The following FNDC3B variants were observed in gnomAD, a reference collection of about 807,000 sequenced individuals.
The protein encoded by FNDC3B is fibronectin type III domain containing 3B, also known as fibronectin type III domain-containing protein 3B.
Under a neutral mutation model 151.5 loss-of-function variants are expected in FNDC3B, and 12 were observed. That is an observed-to-expected ratio of 0.08 (90% CI 0.05 to 0.13). The LOEUF is 0.13. Ranked by LOEUF, FNDC3B falls within the 10% of genes least tolerant of loss-of-function variation. The probability of loss-of-function intolerance (pLI) is 1.00; values close to 1 mark genes in which losing one functional copy is unlikely to be tolerated. For synonymous variants in FNDC3B, 528 were observed against 549.0 expected (o/e 0.96, Z 0.54); for missense variants, 1,214 against 1,505.3 (o/e 0.81, Z 3.20).
intron 3 of FNDC3B, among the ~76,000 whole-genome samples, chr3:172,223,802 G>A (rs1726412329): frequency 6.6e-6 from 1 of 152,114 alleles, no homozygotes; most frequent in Non-Finnish European, 1.5e-5. Flanking sequence ...AATTTAAAAA[G>A]CAACCAAAAC....
At chr3:172,208,083 A>G (rs1171814761) in intron 3 of FNDC3B, among the ~76,000 whole-genome samples, 1 of 146,268 alleles carries the variant, frequency 6.8e-6, no homozygotes, top group Non-Finnish European at 1.5e-5. Context: ...TTCATTCTAT[A>G]AAGTCCATGC....
Position 172,398,281 on chromosome 3 carries a change from A to G in FNDC3B, c.*806A>G, listed in dbSNP as rs1736393674. 6.6e-6 allele frequency: 1 copy of G among 152,604 alleles called. No homozygotes were observed. The highest frequency in any genetic ancestry group is 2.1e-4 in the South Asian group (1 of 4,834). 9.5% of individuals were successfully genotyped at this position (152,604 alleles called of 1,614,324 possible). A position where few individuals can be genotyped will look rare whatever the true frequency, so the allele number is the denominator to read the frequency against. ...ACTTGTTTGTTTGTCTTTGTATATA[A>G]CTACTTCTAATCTAATCACTAGAGT... On this transcript the variant is annotated 3_prime_UTR_variant, in exon 26 of 26. Coordinates refer to ENST00000415807, the MANE Select transcript of FNDC3B (RefSeq NM_022763.4).
chr3:172,197,775 C>G (rs1724912969), intron 3 of FNDC3B, among the ~76,000 whole-genome samples: 5 of 152,198 alleles, frequency 3.3e-5, no homozygotes, highest in Admixed American at 3.3e-4. Flanking sequence ...AGGAACATCA[C>G]AGAAGTGACA....
At chr3:172,128,569 G>T (rs1322157689) in intron 2 of FNDC3B, among the ~76,000 whole-genome samples, 1 of 152,142 alleles carries the variant, frequency 6.6e-6, no homozygotes, top group Non-Finnish European at 1.5e-5. Flanking sequence ...GGGTGGGGCT[G>T]GGGAGTGGGG....
chr3:172,291,884 C>A (rs1730361161), intron 7 of FNDC3B, among the ~76,000 whole-genome samples: 1 of 152,140 alleles, frequency 6.6e-6, no homozygotes, highest in South Asian at 2.1e-4. Context: ...ATGTGAAGGT[C>A]ATATATGAGT....
At chr3:172,075,499 T>C (rs1282027039) in intron 1 of FNDC3B, among the ~76,000 whole-genome samples, 1 of 152,126 alleles carries the variant, frequency 6.6e-6, no homozygotes, top group Non-Finnish European at 1.5e-5. Context: ...ACAACAAAAA[T>C]GGGAATTAAC....
chr3:172,300,566 A>T (rs1166206279), intron 9 of FNDC3B, among the ~76,000 whole-genome samples: 1 of 152,144 alleles, frequency 6.6e-6, no homozygotes, highest in African/African-American at 2.4e-5. Flanking sequence ...TTCTGGGCAG[A>T]TAGAATAGTT....
chr3:172,319,873 T>G (rs76518020), intron 11 of FNDC3B, among the ~76,000 whole-genome samples: 1,540 of 152,320 alleles, frequency 0.01, 17 homozygotes, highest in Non-Finnish European at 0.016. Flanking sequence ...CAGTGCAACT[T>G]TATTTTTTAT....
At chr3:172,348,859 G>A (rs191251438) in intron 21 of FNDC3B, among the ~76,000 whole-genome samples, 2 of 152,258 alleles carry the variant, frequency 1.3e-5, no homozygotes, top group Admixed American at 1.3e-4. Flanking sequence ...CCACACTAAA[G>A]GACTATTGCC....
rs1201061796 is a variant in FNDC3B at position 172,253,777 on chromosome 3, A to C, written c.790+2236A>C. ...TTGTTCTCATGGCCAGAAGAGAGAA[A>C]TCTTTTTACTTTTTTTTTTTGAGAT... On this transcript the variant is annotated intron_variant, in intron 6 of 25. Coordinates refer to ENST00000415807, the MANE Select transcript of FNDC3B (RefSeq NM_022763.4). Among the ~76,000 whole-genome samples, 4 of 151,602 alleles carry C rather than the reference A, an allele frequency of 2.6e-5. No homozygotes were observed. In the East Asian group the frequency reaches 7.7e-4, roughly 29 times the overall value.
chr3:172,064,865 T>G (rs1377053988), intron 1 of FNDC3B, among the ~76,000 whole-genome samples: 2 of 152,192 alleles, frequency 1.3e-5, no homozygotes, highest in African/African-American at 4.8e-5. Flanking sequence ...ATTTGGTGTG[T>G]TGGATGAATG....
chr3:172,260,728 A>C (rs540307940), intron 6 of FNDC3B, among the ~76,000 whole-genome samples: 1 of 152,154 alleles, frequency 6.6e-6, no homozygotes, highest in Non-Finnish European at 1.5e-5. Flanking sequence ...CCACTCCCCA[A>C]AAAAGGTTCT....
chr3:172,130,224 C>T (rs534859446), intron 2 of FNDC3B, among the ~76,000 whole-genome samples: 37 of 152,120 alleles, frequency 2.4e-4, no homozygotes, highest in Non-Finnish European at 4.6e-4. Flanking sequence ...TGGTCAGCCT[C>T]CCTCAGTATA....
chr3:172,195,902 C>T (rs888966536), intron 3 of FNDC3B, among the ~76,000 whole-genome samples: 2 of 152,128 alleles, frequency 1.3e-5, no homozygotes, highest in Admixed American at 1.3e-4. Context: ...TCAGTTTCCT[C>T]AACAGTAAAT....
intron 3 of FNDC3B, among the ~76,000 whole-genome samples, chr3:172,142,201 T>C (rs1280979345): frequency 6.6e-6 from 1 of 152,238 alleles, no homozygotes; most frequent in East Asian, 1.9e-4. Context: ...CTCTTTATTA[T>C]GGGTGGGCAT....
At chr3:172,061,217 C>T (rs1164263539) in intron 1 of FNDC3B, among the ~76,000 whole-genome samples, 1 of 151,828 alleles carries the variant, frequency 6.6e-6, no homozygotes, top group Non-Finnish European at 1.5e-5. Flanking sequence ...TTTAAAACGG[C>T]CTGGTCTGCA....
chr3:172,193,055 A>G (rs1212692706), intron 3 of FNDC3B, among the ~76,000 whole-genome samples: 2 of 151,602 alleles, frequency 1.3e-5, no homozygotes, highest in Non-Finnish European at 2.9e-5. Flanking sequence ...CTTTTGTCCT[A>G]TCTCTCCAAA....
At position 172,125,894 on chromosome 3, in the gene FNDC3B, TGAAG is replaced by T. The variant is rs377055496; in HGVS notation, c.112-7574_112-7571del. On this transcript the variant is annotated intron_variant, in intron 2 of 25. Coordinates refer to ENST00000415807, the MANE Select transcript of FNDC3B (RefSeq NM_022763.4). ...CCTCGTTTTCTTTGTTTTAGGTTGA[TGAAG>T]GACTGCTTGGACTTTGACTCTCCTG... Among the ~76,000 whole-genome samples the T allele has an allele frequency of 6.6e-5, 10 of 152,348 alleles. 1 individual carries two copies. The highest frequency in any genetic ancestry group is 2.4e-4 in the African/African-American group (10 of 41,578).
At chr3:172,123,015 T>A (rs1483851961) in intron 2 of FNDC3B, among the ~76,000 whole-genome samples, 2 of 152,210 alleles carry the variant, frequency 1.3e-5, no homozygotes, top group Admixed American at 1.3e-4. Flanking sequence ...CCAATTATGT[T>A]ACATGACTTT....
Sources: allele counts gnomAD v4.1 joint callset (sites outside exome capture counted in the v4.1 genomes callset), GRCh38; gene constraint gnomAD v4.1.1; transcripts MANE v1.5; gene names NCBI Gene and HGNC (gene_info 2026-07-23, HGNC 2026-07-21).